The following NALF2 variants were observed in gnomAD, a reference collection of about 807,000 sequenced individuals.
The protein encoded by NALF2 is bB57D9.1 (TED protein).
In NALF2, 1 loss-of-function variant was observed where a neutral mutation model predicts 24.8. The ratio of observed to expected loss-of-function variants is 0.04; its 90% CI spans 0.01 to 0.19. The LOEUF is 0.19. NALF2 is among the 10% of genes least tolerant of loss of function. The pLI is 1.00. For missense variants in NALF2, 458 were observed against 409.6 expected (o/e 1.12, Z -1.02); for synonymous variants, 254 against 189.8 (o/e 1.34, Z -2.78).
At chrX:69,519,380 T>A (rs1930703522) in intron 1 of NALF2, among the ~76,000 whole-genome samples, 1 of 111,182 alleles carries the variant, frequency 9.0e-6, no homozygotes, top group Non-Finnish European at 1.9e-5. Flanking sequence ...AGTGGACAGA[T>A]GAGTAAGATA....
In NALF2 at chrX:69,531,005, C is replaced by A. The variant is rs906837776; in HGVS notation, c.*1049C>A. The A allele has an allele frequency of 8.9e-6, 1 of 112,783 alleles. No individual in the cohort carries two copies. Among genetic ancestry groups the A allele is most frequent in the African/African-American group, 3.2e-5 (1 of 30,942 alleles). 9.3% of individuals were successfully genotyped at this position (112,783 alleles called of 1,213,427 possible). Reference sequence around the variant, plus strand: ...AAGTGGGTCAGGCCTGGCCCAGGTCCTTATACTCCCCTATCTTGTCCTAGC... The same window carrying A: ...AAGTGGGTCAGGCCTGGCCCAGGTCATTATACTCCCCTATCTTGTCCTAGC... On this transcript the variant is annotated 3_prime_UTR_variant, in exon 3 of 3. Coordinates refer to ENST00000252338, the MANE Select transcript of NALF2 (RefSeq NM_015686.3).
In NALF2 at chrX:69,530,098, C is replaced by T; in HGVS notation, c.*142C>T. 1 of 466,673 alleles carries T rather than the reference C, an allele frequency of 2.1e-6. No individual in the cohort carries two copies. The highest frequency in any genetic ancestry group is 3.5e-6 in the Non-Finnish European group (1 of 283,001). The allele number at this position is 466,673 out of a possible 1,213,427, so 38.5% of individuals were successfully genotyped here. On this transcript the variant is annotated 3_prime_UTR_variant, in exon 3 of 3. Coordinates refer to ENST00000252338, the MANE Select transcript of NALF2 (RefSeq NM_015686.3). ...GGGGGAATGACACATCCCCCCCAAC[C>T]TACCCCCACCCCAAAAGCAGCTCCA... is the stretch of plus-strand genomic sequence containing the variant.
In NALF2 at chrX:69,505,363, C is replaced by T; in HGVS notation, c.81C>T (p.Pro27=). ...TICCCCCCWA[P]RPSDKPCADS... ...GCTGCTGCTGCTGCTGCTGGGCTCC[C>T]AGGCCGAGCGACAAACCTTGCGCCG... Residue 27 remains proline (P), a synonymous_variant, in exon 1 of 3, where the codon CCC becomes CCT. Coordinates refer to ENST00000252338, the MANE Select transcript of NALF2 (RefSeq NM_015686.3). 3 of 1,159,041 alleles carry T rather than the reference C, an allele frequency of 2.6e-6. No homozygotes were observed. Among genetic ancestry groups the T allele is most frequent in the Non-Finnish European group, 3.5e-6 (3 of 869,394 alleles).
chrX:69,516,722 G>T (rs1930666870), intron 1 of NALF2, among the ~76,000 whole-genome samples: 1 of 111,742 alleles, frequency 8.9e-6, no homozygotes, highest in Non-Finnish European at 1.9e-5. Context: ...TTTGGCCCTG[G>T]GTAGGAAGCT....
chrX:69,511,814 G>A (rs771284644), intron 1 of NALF2, among the ~76,000 whole-genome samples: 2 of 112,070 alleles, frequency 1.8e-5, no homozygotes, highest in East Asian at 2.8e-4. Flanking sequence ...CCAACACATC[G>A]TAAGCATGCG....
At chrX:69,523,918 C>A (rs1023890044) in intron 1 of NALF2, among the ~76,000 whole-genome samples, 2 of 110,798 alleles carry the variant, frequency 1.8e-5, no homozygotes, top group East Asian at 5.7e-4. Context: ...TAGGAAGAAC[C>A]CTGGAGTTGG....
Position 69,505,563 on chromosome X carries a change from G to C in NALF2, c.281G>C (p.Arg94Pro), listed in dbSNP as rs1017173424. 10 of 970,882 alleles carry C rather than the reference G, an allele frequency of 1.0e-5. No homozygotes were observed. The highest frequency in any genetic ancestry group is 1.3e-5 in the Non-Finnish European group (10 of 783,482). 80.0% of individuals were successfully genotyped at this position (970,882 alleles called of 1,213,427 possible). A position where few individuals can be genotyped will look rare whatever the true frequency, so the allele number is the denominator to read the frequency against. ...AGRERQPVPP[R>P]AVLPLPPPPP... is the part of the protein sequence containing the mutation. ...CGGGAGCGGCAGCCGGTGCCTCCTC[G>C]CGCGGTGCTGCCGCTGCCGCCGCCG... is the stretch of plus-strand genomic sequence containing the variant. Residue 94 changes from arginine to proline, a missense_variant, in exon 1 of 3, where the codon CGC becomes CCC. Coordinates refer to ENST00000252338, the MANE Select transcript of NALF2 (RefSeq NM_015686.3).
In NALF2 at chrX:69,504,973, G is replaced by C. The variant is rs1221274898; in HGVS notation, c.-310G>C. Among the ~76,000 whole-genome samples, 1 of 107,111 alleles carries C rather than the reference G, an allele frequency of 9.3e-6. No homozygotes were observed. The highest frequency in any genetic ancestry group is 2.0e-5 in the Non-Finnish European group (1 of 51,032). The allele number at this position is 107,111 out of a possible 115,157, so 93.0% of individuals were successfully genotyped here. On this transcript the variant is annotated 5_prime_UTR_variant, in exon 1 of 3. Transcript: ENST00000252338. ...ACACTATGAGGAGTGCGGCGCCGCC[G>C]CCGCAGCCGCCACCGCCCCAGTGCC...
intron 1 of NALF2, among the ~76,000 whole-genome samples, chrX:69,525,026 C>A (rs1459179684): frequency 9.0e-6 from 1 of 111,212 alleles, no homozygotes; most frequent in African/African-American, 3.3e-5. Flanking sequence ...GTGGGGAGGT[C>A]GTCTAATTAA....
chrX:69,515,271 G>A (rs1451335193), intron 1 of NALF2, among the ~76,000 whole-genome samples: 2 of 112,159 alleles, frequency 1.8e-5, no homozygotes, highest in Non-Finnish European at 1.9e-5. Flanking sequence ...AATATGTAGT[G>A]TGTTCTCCTG....
At chrX:69,509,273 C>T (rs1195968774) in intron 1 of NALF2, among the ~76,000 whole-genome samples, 2 of 110,234 alleles carry the variant, frequency 1.8e-5, no homozygotes, top group Non-Finnish European at 3.8e-5. Flanking sequence ...CAACCCCCAC[C>T]CCACTCTCTT....
At chrX:69,516,998 C>G (rs1005445909) in intron 1 of NALF2, among the ~76,000 whole-genome samples, 3 of 111,712 alleles carry the variant, frequency 2.7e-5, no homozygotes, top group African/African-American at 9.8e-5. Context: ...AAATCTCTCC[C>G]TAATTTGATG....
At chrX:69,528,508 A>G (rs1280865456) in intron 1 of NALF2, among the ~76,000 whole-genome samples, 1 of 112,254 alleles carries the variant, frequency 8.9e-6, no homozygotes, top group African/African-American at 3.2e-5. Flanking sequence ...CATCCATACA[A>G]CACCCTAATG....
intron 1 of NALF2, among the ~76,000 whole-genome samples, chrX:69,521,992 CA>C (rs113003479): frequency 9.0e-6 from 1 of 111,622 alleles, no homozygotes; most frequent in African/African-American, 3.3e-5. Flanking sequence ...AGGGTTGGCA[CA>C]GGGGACAGGA....
In NALF2 at chrX:69,505,335, T is replaced by TCTGCTG. The variant is rs751154658; in HGVS notation, c.69_74dup (p.Cys23_Cys24dup). Reference sequence around the variant, plus strand: ...GGGAAAGACGCCGCCGCGCTGACTATCTGCTGCTGCTGCTGCTGCTGGGCT... The same window carrying TCTGCTG: ...GGGAAAGACGCCGCCGCGCTGACTATCTGCTGCTGCTGCTGCTGCTGCTGCTGGGCT... On this transcript the variant is annotated inframe_insertion, in exon 1 of 3. Coordinates refer to ENST00000252338, the MANE Select transcript of NALF2 (RefSeq NM_015686.3). The TCTGCTG allele has an allele frequency of 1.3e-5, 15 of 1,148,991 alleles. No individual in the cohort carries two copies. Among genetic ancestry groups the TCTGCTG allele is most frequent in the African/African-American group, 3.7e-5 (2 of 54,657 alleles). The allele number at this position is 1,148,991 out of a possible 1,213,427, so 94.7% of individuals were successfully genotyped here.
At chrX:69,510,686 C>T (rs1281018960) in intron 1 of NALF2, among the ~76,000 whole-genome samples, 1 of 111,846 alleles carries the variant, frequency 8.9e-6, no homozygotes, top group Non-Finnish European at 1.9e-5. Flanking sequence ...GCAAAGCCTG[C>T]CCTTGGGGAG....
rs1930878908 is a variant in NALF2 at position 69,530,037 on chromosome X, A to G, written c.*81A>G. On this transcript the variant is annotated 3_prime_UTR_variant, in exon 3 of 3. Transcript: ENST00000252338. ...GGTTGGGGGGGAGGGGGCTCCTCCC[A>G]TGGGAGGTGTAGGATAAGGTGGGGG... 7.0e-6 allele frequency: 3 copies of G among 427,775 alleles called. No homozygotes were observed. The Admixed American group carries it at 1.2e-4, about 18-fold the overall frequency. 35.3% of individuals were successfully genotyped at this position (427,775 alleles called of 1,213,427 possible).
At chrX:69,521,301 A>AT (rs1245595881) in intron 1 of NALF2, among the ~76,000 whole-genome samples, 5 of 106,813 alleles carry the variant, frequency 4.7e-5, no homozygotes, top group African/African-American at 6.9e-5. Context: ...CCTTCTACTC[A>AT]TTTTTTTTTC....
At chrX:69,524,830 C>T (rs12835478) in intron 1 of NALF2, among the ~76,000 whole-genome samples, 1,693 of 111,884 alleles carry the variant, frequency 0.015, 15 homozygotes, top group Non-Finnish European at 0.024. Context: ...CAATGGCCTC[C>T]GCTGGCCGGC....
Sources: allele counts gnomAD v4.1 joint callset (sites outside exome capture counted in the v4.1 genomes callset), GRCh38; gene constraint gnomAD v4.1.1; transcripts MANE v1.5; gene names NCBI Gene and HGNC (gene_info 2026-07-23, HGNC 2026-07-21).